PER3: variants seen among roughly 807,000 people sequenced by gnomAD.
The protein encoded by PER3 is period circadian regulator 3.
A neutral mutation model predicts 127.2 loss-of-function variants in PER3; 107 were observed. The ratio of observed to expected loss-of-function variants is 0.84; its 90% CI spans 0.72 to 0.99. The LOEUF is 0.99. PER3 is among the 50% of genes least tolerant of loss of function. The pLI is 0.00. For synonymous variants in PER3, 618 were observed against 585.8 expected, an observed-to-expected ratio of 1.05 and a Z score of -0.79; for missense variants, 1,560 against 1,525.8, an observed-to-expected ratio of 1.02 and a Z score of -0.37.
intron 16 of PER3, among the ~76,000 whole-genome samples, chr1:7,823,625 G>A (rs930926398): frequency 4.6e-5 from 7 of 151,362 alleles, no homozygotes; most frequent in Non-Finnish European, 8.8e-5. Context: ...CTTCAGCCTG[G>A]GCAACAAGAG....
At position 7,844,701 on chromosome 1, in the gene PER3, CAG is replaced by C. The variant is rs2097403749; in HGVS notation, c.*1949_*1950del. The C allele has an allele frequency of 6.5e-6, 1 of 152,804 alleles. No individual in the cohort carries two copies. The highest frequency in any genetic ancestry group is 2.4e-5 in the African/African-American group (1 of 41,460). The allele number at this position is 152,804 out of a possible 1,614,324, so 9.5% of individuals were successfully genotyped here. A position where few individuals can be genotyped will look rare whatever the true frequency, so the allele number is the denominator to read the frequency against. ...AAACTGGTGCTTGTCGCAGAACTGT[CAG>C]AGCATGAGGAGCGCTCCTCCTGTGG... On this transcript the variant is annotated 3_prime_UTR_variant, in exon 22 of 22. Coordinates refer to ENST00000377532, the MANE Select transcript of PER3 (RefSeq NM_001377275.1).
Position 7,798,514 on chromosome 1 carries a change from A to C in PER3, c.645-11A>C. On this transcript the variant is annotated splice_polypyrimidine_tract_variant and intron_variant, in intron 6 of 21. Coordinates refer to ENST00000377532, the MANE Select transcript of PER3 (RefSeq NM_001377275.1). ...CGTCAGGACCAGCACTAATATCTTT[A>C]ATCTCCTCAGTGGAGGTGAAGACAG... 3 of 1,610,594 alleles carry C rather than the reference A, an allele frequency of 1.9e-6. No individual in the cohort carries two copies. Among genetic ancestry groups the C allele is most frequent in the Non-Finnish European group, 2.5e-6 (3 of 1,177,448 alleles).
chr1:7,827,331 G>T lies in PER3; in HGVS notation c.2402G>T (p.Ser801Ile). ...TTCCCACCTGCCGCCATGGTGCCCA[G>T]CCAGGCCCCTTACCTCGTCCCAGCT... ...PTFPPAAMVP[S>I]QAPYLVPAFP... is the part of the protein sequence containing the mutation. Residue 801 changes from serine (S) to isoleucine (I), a missense_variant, in exon 18 of 22, where the codon AGC becomes ATC. Transcript: ENST00000377532. 1 of 1,613,942 alleles carries T rather than the reference G, an allele frequency of 6.2e-7. No homozygotes were observed. The highest frequency in any genetic ancestry group is 8.5e-7 in the Non-Finnish European group (1 of 1,179,968).
chr1:7,826,097 G>C lies in PER3; in HGVS notation c.1958-383G>C, dbSNP rs72855243. On this transcript the variant is annotated intron_variant, in intron 16 of 21. Transcript: ENST00000377532. This position sits in a 1 kb window ranked among gnomAD's most constrained non-coding sequence, Gnocchi z 4.2. ...AGAACTAGACAGAGCGTGGACGGGG[G>C]TGAGGGGAATTTACTACATGTCTTT... 2.6e-4 allele frequency among the ~76,000 whole-genome samples: 40 copies of C among 152,256 alleles called. No homozygotes were observed. Among genetic ancestry groups the C allele is most frequent in the African/African-American group, 9.6e-4 (40 of 41,538 alleles).
chr1:7,810,086 T>G, intron 12 of PER3, 65 bp downstream of exon 12: 1 of 1,406,872 alleles, frequency 7.1e-7, no homozygotes, highest in Non-Finnish European at 9.8e-7. Flanking sequence ...CGGTTCTGAA[T>G]GTGGTGACAT....
intron 13 of PER3, among the ~76,000 whole-genome samples, chr1:7,818,802 A>G (rs1232000135): frequency 1.3e-5 from 2 of 152,266 alleles, no homozygotes; most frequent in Non-Finnish European, 1.5e-5. Context: ...GTCAGCACAA[A>G]TAATCCATCA....
intron 10 of PER3, among the ~76,000 whole-genome samples, chr1:7,808,285 T>C (rs1403722732): frequency 7.1e-6 from 1 of 141,766 alleles, no homozygotes; most frequent in Non-Finnish European, 1.5e-5. Context: ...GCCTGTCACA[T>C]AGAAGGTCCC....
At chr1:7,835,605 A>G (rs1011082137) in intron 19 of PER3, among the ~76,000 whole-genome samples, 157 bp from the exon 20 acceptor site, 2 of 152,224 alleles carry the variant, frequency 1.3e-5, no homozygotes, top group Admixed American at 6.5e-5. Context: ...CCAAAGAACC[A>G]GGAGGCTGTC....
intron 7 of PER3, among the ~76,000 whole-genome samples, chr1:7,799,604 C>T (rs1174569800): frequency 7.4e-6 from 1 of 135,188 alleles, no homozygotes; most frequent in African/African-American, 2.9e-5. Flanking sequence ...GAGTAAAACT[C>T]TGTCTCAAAA....
intron 13 of PER3, 170 bp downstream of exon 13, chr1:7,810,758 C>T: frequency 1.9e-6 from 1 of 516,784 alleles, no homozygotes; most frequent in South Asian, 4.1e-5. Flanking sequence ...ATAATAATGG[C>T]AGCAACAAAT....
At chr1:7,832,789 A>C (rs889795582) in intron 19 of PER3, among the ~76,000 whole-genome samples, 1 of 151,254 alleles carries the variant, frequency 6.6e-6, no homozygotes, top group Non-Finnish European at 1.5e-5. Context: ...TTCCCCCCCA[A>C]TATAAACATT....
intron 21 of PER3, among the ~76,000 whole-genome samples, chr1:7,839,150 G>A (rs1162983826): frequency 6.6e-6 from 1 of 152,104 alleles, no homozygotes; most frequent in Non-Finnish European, 1.5e-5. Context: ...ATTACGTTTA[G>A]CATTCTAACA....
In PER3 at chr1:7,827,469, T is replaced by C. The variant is rs372898210; in HGVS notation, c.2540T>C (p.Phe847Ser). ...GAGGGCTTGCAGCCTTACCCAGCTT[T>C]CCCTTTTCCTTACTTGGATACTTTT... ...LSEGLQPYPA[F>S]PFPYLDTFMT... Residue 847 changes from phenylalanine (F) to serine (S), a missense_variant, in exon 18 of 22, where the codon TTC (phenylalanine) becomes TCC (serine). Transcript: ENST00000377532. 6.2e-6 allele frequency: 10 copies of C among 1,614,224 alleles called. No homozygotes were observed. Among genetic ancestry groups the C allele is most frequent in the Non-Finnish European group, 8.5e-6 (10 of 1,180,036 alleles).
chr1:7,840,605 A>G (rs1356698243), intron 21 of PER3, among the ~76,000 whole-genome samples: 6 of 149,038 alleles, frequency 4.0e-5, no homozygotes. Flanking sequence ...GGTATGAGCC[A>G]CCGCACCCAG....
chr1:7,815,329 T>C (rs1246602946), intron 13 of PER3, among the ~76,000 whole-genome samples: 1 of 152,176 alleles, frequency 6.6e-6, no homozygotes, highest in Non-Finnish European at 1.5e-5. Context: ...CTACATACTA[T>C]CTACAAGAAC....
At position 7,842,668 on chromosome 1, in the gene PER3, G is replaced by C. The variant is rs1336295176; in HGVS notation, c.3550-4G>C. On this transcript the variant is annotated splice_region_variant and splice_polypyrimidine_tract_variant and intron_variant, in intron 21 of 21. Transcript: ENST00000377532. The stretch of plus-strand genomic sequence containing the variant: ...TAACTCGCCTGCTTTGTTCTTTTTT[G>C]GAGGCCTGTGTCACTTGTGAAAATG... 1.2e-6 allele frequency: 2 copies of C among 1,612,310 alleles called. No individual in the cohort carries two copies. The highest frequency in any genetic ancestry group is 8.5e-7 in the Non-Finnish European group (1 of 1,178,978).
Position 7,820,180 on chromosome 1 carries a change from C to T in PER3, c.1724C>T (p.Ser575Phe), listed in dbSNP as rs201900226. Reference sequence around the variant, plus strand: ...TGTATCTCCTGTACAAATACAACTTCTTCCTCCTCAGAAGAAGACAAACAG... The same window carrying T: ...TGTATCTCCTGTACAAATACAACTTTTTCCTCCTCAGAAGAAGACAAACAG... ...RKCISCTNTT[S>F]SSSEEDKQNH... The change falls in exon 15 of 22, where the codon TCT becomes TTT. Residue 575 changes from serine to phenylalanine, a missense_variant. By Grantham distance (155) the Ser-to-Phe change is radical. Around this residue, in one of 3 missense-constraint regions of PER3, gnomAD observed 1,332 missense variants for 1,223.6 expected, o/e 1.09. Coordinates refer to ENST00000377532, the MANE Select transcript of PER3 (RefSeq NM_001377275.1). 6.2e-7 allele frequency: 1 copy of T among 1,613,656 alleles called. No individual in the cohort carries two copies. Among genetic ancestry groups the T allele is most frequent in the East Asian group, 2.2e-5 (1 of 44,874 alleles).
intron 10 of PER3, among the ~76,000 whole-genome samples, chr1:7,808,444 G>A (rs1292085977): frequency 6.6e-6 from 1 of 152,064 alleles, no homozygotes. Context: ...TCACCACTAG[G>A]GTGGGTTGCA....
intron 4 of PER3, 109 bp downstream of exon 4, chr1:7,786,945 A>G: frequency 1.5e-6 from 1 of 682,050 alleles, no homozygotes; most frequent in Non-Finnish European, 2.7e-6. Context: ...CCACAATTTG[A>G]GAGAAGCAAA....
Sources: allele counts gnomAD v4.1 joint callset (sites outside exome capture counted in the v4.1 genomes callset), GRCh38; gene constraint gnomAD v4.1.1; regional missense constraint gnomAD v4.1.1; non-coding constraint Gnocchi (gnomAD v3.1); transcripts MANE v1.5; gene names NCBI Gene and HGNC (gene_info 2026-07-23, HGNC 2026-07-21).